STK4: variants seen among roughly 807,000 people sequenced by gnomAD.
STK4 encodes serine/threonine-protein kinase 4.
In STK4, 30 loss-of-function variants were observed where a neutral mutation model predicts 64.9. The ratio of observed to expected loss-of-function variants is 0.46; its 90% CI spans 0.35 to 0.63. STK4 has a LOEUF of 0.63. Among genes scored for constraint, STK4 ranks in the 20% least tolerant of loss-of-function variants. STK4 has a pLI of 0.01. For synonymous variants in STK4, 177 were observed against 199.0 expected (o/e 0.89, Z 0.93); for missense variants, 466 against 598.5 (o/e 0.78, Z 2.31).
intron 10 of STK4, among the ~76,000 whole-genome samples, chr20:45,068,876 A>G: frequency 6.6e-6 from 1 of 152,258 alleles, no homozygotes; most frequent in East Asian, 1.9e-4. Flanking sequence ...ATCTATGTGT[A>G]GAATCCAACA....
intron 10 of STK4, among the ~76,000 whole-genome samples, chr20:45,026,316 A>G (rs1263999215): frequency 9.8e-6 from 1 of 102,368 alleles, no homozygotes; most frequent in Non-Finnish European, 2.0e-5. Flanking sequence ...GGAGACAGAA[A>G]GAGTGTGTGT....
At chr20:45,025,187 A>T in intron 10 of STK4, 57 bp downstream of exon 10, 1 of 1,551,074 alleles carries the variant, frequency 6.4e-7, no homozygotes. Context: ...TTGAAATATC[A>T]CACATTAGTG....
At chr20:45,001,523 A>C (rs1317845339) in intron 9 of STK4, among the ~76,000 whole-genome samples, 170 bp downstream of exon 9, 1 of 152,184 alleles carries the variant, frequency 6.6e-6, no homozygotes, top group Non-Finnish European at 1.5e-5. Flanking sequence ...GGTGAGGGGG[A>C]AAGCTGGCCT....
In STK4 at chr20:45,044,678, A is replaced by G. The variant is rs115904309; in HGVS notation, c.1305+19548A>G. Among the ~76,000 whole-genome samples, 794 of 152,258 alleles carry G rather than the reference A, an allele frequency of 5.2e-3. 9 individuals are homozygous for G. Among genetic ancestry groups the G allele is most frequent in the African/African-American group, 0.019 (769 of 41,534 alleles). On this transcript the variant is annotated intron_variant, in intron 10 of 10. Coordinates refer to ENST00000372806, the MANE Select transcript of STK4 (RefSeq NM_006282.5). ...TCAAAAAAAAGAAAAAAGTTACTGAATCACTTTAGAAATTTGACATTGTGT... is the reference window on the plus strand; with the variant it reads ...TCAAAAAAAAGAAAAAAGTTACTGAGTCACTTTAGAAATTTGACATTGTGT...
At chr20:44,968,660 C>T (rs1239438030) in intron 1 of STK4, among the ~76,000 whole-genome samples, 1 of 152,218 alleles carries the variant, frequency 6.6e-6, no homozygotes, top group African/African-American at 2.4e-5. Flanking sequence ...TTGTTTCCCC[C>T]TTTGCCTTGT....
intron 1 of STK4, among the ~76,000 whole-genome samples, chr20:44,971,874 T>C (rs1237952562): frequency 6.6e-6 from 1 of 152,036 alleles, no homozygotes; most frequent in East Asian, 1.9e-4. Context: ...GGTTTCACCA[T>C]GTTAGCCAGG....
At chr20:45,042,251 C>A (rs1226655988) in intron 10 of STK4, among the ~76,000 whole-genome samples, 2 of 151,916 alleles carry the variant, frequency 1.3e-5, no homozygotes, top group East Asian at 3.8e-4. Context: ...TTTCTTCAGT[C>A]TTTCTTTTCA....
In STK4 at chr20:45,026,150, G is replaced by A. The variant is rs554386587; in HGVS notation, c.1305+1020G>A. On this transcript the variant is annotated intron_variant, in intron 10 of 10. Transcript: ENST00000372806. ...GTGGTTTTTTTTTTTTTTTTTGGAT[G>A]TCATGTGTTTGACACTATTCTAGGG... Among the ~76,000 whole-genome samples, 3 of 112,342 alleles carry A rather than the reference G, an allele frequency of 2.7e-5. No homozygotes were observed. In the East Asian group the frequency reaches 8.2e-4, roughly 31 times the overall value. 73.7% of individuals were successfully genotyped at this position (112,342 alleles called of 152,430 possible).
intron 2 of STK4, among the ~76,000 whole-genome samples, chr20:44,978,223 C>G (rs892232562): frequency 1.3e-5 from 2 of 152,200 alleles, no homozygotes; most frequent in South Asian, 4.1e-4. Context: ...AGAATACATT[C>G]ATTACAGTTT....
chr20:44,976,760 A>G (rs1216077155), intron 2 of STK4, among the ~76,000 whole-genome samples: 3 of 152,200 alleles, frequency 2.0e-5, no homozygotes, highest in Non-Finnish European at 2.9e-5. Context: ...ACTAAATAAT[A>G]CATCTGGGGG....
Position 45,078,232 on chromosome 20 carries a change from G to A in STK4, c.*3056G>A, listed in dbSNP as rs2145498401. The A allele has an allele frequency of 1.4e-5, 2 of 145,672 alleles. No homozygotes were observed. The highest frequency in any genetic ancestry group is 3.6e-3 in the Middle Eastern group (1 of 276). 9.0% of individuals were successfully genotyped at this position (145,672 alleles called of 1,614,324 possible). A position where few individuals can be genotyped will look rare whatever the true frequency, so the allele number is the denominator to read the frequency against. ...TGTTTTTTTTTTTTTTTGAGACAGAGTCTCACTCTGTTGCCCAGGCTGGAG... is the reference window on the plus strand; with the variant it reads ...TGTTTTTTTTTTTTTTTGAGACAGAATCTCACTCTGTTGCCCAGGCTGGAG... On this transcript the variant is annotated 3_prime_UTR_variant, in exon 11 of 11. Coordinates refer to ENST00000372806, the MANE Select transcript of STK4 (RefSeq NM_006282.5).
At chr20:45,074,893 T>G in intron 10 of STK4, 125 bp from the exon 11 acceptor site, 22 of 1,134,406 alleles carry the variant, frequency 1.9e-5, no homozygotes, top group Non-Finnish European at 2.4e-5. Flanking sequence ...ACTCAACCTG[T>G]GATCTGACCA....
In STK4 at chr20:45,078,628, G is replaced by A. The variant is rs1287621920; in HGVS notation, c.*3452G>A. 1 of 147,712 alleles carries A rather than the reference G, an allele frequency of 6.8e-6. No individual in the cohort carries two copies. The highest frequency in any genetic ancestry group is 2.5e-5 in the African/African-American group (1 of 39,654). 9.2% of individuals were successfully genotyped at this position (147,712 alleles called of 1,614,324 possible). On this transcript the variant is annotated 3_prime_UTR_variant, in exon 11 of 11. Transcript: ENST00000372806. ...CAAGCCACCAATTGGATGGATGAAT[G>A]TTTGACGGGGAAGAGGAAGGGTAGG...
chr20:45,064,866 T>C (rs971505109), intron 10 of STK4, among the ~76,000 whole-genome samples: 9 of 152,214 alleles, frequency 5.9e-5, no homozygotes, highest in African/African-American at 2.2e-4. Flanking sequence ...GTCTATAGGG[T>C]TTTCTATGTA....
intron 10 of STK4, among the ~76,000 whole-genome samples, chr20:45,061,436 G>A (rs1978991428): frequency 6.6e-6 from 1 of 152,054 alleles, no homozygotes; most frequent in African/African-American, 2.4e-5. Flanking sequence ...GTGCCATCCT[G>A]CTCCATCCTG....
chr20:45,016,334 A>AT (rs1289539032), intron 9 of STK4, among the ~76,000 whole-genome samples: 2 of 152,008 alleles, frequency 1.3e-5, no homozygotes, highest in Non-Finnish European at 2.9e-5. Flanking sequence ...TACCGACTGG[A>AT]TTTTTTTTCC....
chr20:44,968,511 A>G (rs181757428), intron 1 of STK4, among the ~76,000 whole-genome samples: 3 of 152,328 alleles, frequency 2.0e-5, no homozygotes, highest in African/African-American at 7.2e-5. Flanking sequence ...ATGTTAGCAG[A>G]TATTTACTAT....
At chr20:45,055,725 CT>C (rs71197597) in intron 10 of STK4, among the ~76,000 whole-genome samples, 6 of 148,130 alleles carry the variant, frequency 4.1e-5, no homozygotes, top group Admixed American at 6.7e-5. Context: ...TTCTTTCTTT[CT>C]TTTTTTTTTG....
chr20:44,997,169 G>T lies in STK4; in HGVS notation c.694G>T (p.Ala232Ser). The change falls in exon 7 of 11, where the codon GCA becomes TCA. Residue 232 changes from alanine (A) to serine (S), a missense_variant and splice_region_variant. Ala to Ser is a moderately conservative substitution (Grantham distance 99). Around this residue, in one of 2 missense-constraint regions of STK4, gnomAD observed 190 missense variants for 289.7 expected, o/e 0.66. Transcript: ENST00000372806. The part of the protein sequence containing the change: ...PPYADIHPMR[A>S]IFMIPTNPPP... ...TTGTTTGTTTGTTTGTTCTAACCAG[G>T]CAATCTTCATGATTCCTACAAATCC... 3 of 1,613,450 alleles carry T rather than the reference G, an allele frequency of 1.9e-6. No individual in the cohort carries two copies. The highest frequency in any genetic ancestry group is 2.5e-6 in the Non-Finnish European group (3 of 1,179,614).
Sources: allele counts gnomAD v4.1 joint callset (sites outside exome capture counted in the v4.1 genomes callset), GRCh38; gene constraint gnomAD v4.1.1; regional missense constraint gnomAD v4.1.1; transcripts MANE v1.5; gene names NCBI Gene and HGNC (gene_info 2026-07-23, HGNC 2026-07-21).